Variants in MTMR10 observed in about 807,000 individuals in gnomAD.
MTMR10 encodes the protein myotubularin related protein 10, also known as myotubularin-related protein 10.
MTMR10 carries 56 observed loss-of-function variants against 88.1 expected under a neutral mutation model. That is an observed-to-expected ratio of 0.64 (90% confidence interval 0.51 to 0.79). The LOEUF (loss-of-function observed/expected upper bound fraction) is 0.79, where lower values mean the gene tolerates loss of function less well. MTMR10 is among the 30% of genes least tolerant of loss of function. The pLI is 0.00. For missense variants in MTMR10, 883 were observed against 924.7 expected, an observed-to-expected ratio of 0.95 and a Z score of 0.58; for synonymous variants, 380 against 340.9, an observed-to-expected ratio of 1.11 and a Z score of -1.26.
At chr15:30,954,060 T>G (rs2063287333) in intron 10 of MTMR10, among the ~76,000 whole-genome samples, 1 of 152,150 alleles carries the variant, frequency 6.6e-6, no homozygotes, top group Admixed American at 6.5e-5. Flanking sequence ...TGTGCATGGC[T>G]CACGTGGCCG....
chr15:30,928,710 C>T, the MTMR10 span: 3 of 1,610,272 alleles, frequency 1.9e-6, no homozygotes, highest in African/African-American at 1.3e-5. Flanking sequence ...ATCCGTGGCT[C>T]ACGCCCACCT....
chr15:30,950,338 T>C (rs2063227012), intron 12 of MTMR10: 3 of 152,026 alleles, frequency 2.0e-5, no homozygotes, highest in South Asian at 4.2e-4. Flanking sequence ...ATTTTTGCCT[T>C]GTTAAAGTCA....
intron 2 of MTMR10, among the ~76,000 whole-genome samples, chr15:30,981,610 C>G (rs2030577876): frequency 6.6e-6 from 1 of 152,216 alleles, no homozygotes; most frequent in Non-Finnish European, 1.5e-5. Flanking sequence ...TCCACAGATT[C>G]TTCTGTTATT....
the MTMR10 span, chr15:30,929,220 G>A: frequency 1.2e-6 from 2 of 1,612,446 alleles, no homozygotes; most frequent in Non-Finnish European, 1.7e-6. Flanking sequence ...CCCTGGACTT[G>A]TGCACAGACA....
At chr15:30,922,400 TCAA>T in the MTMR10 span, 1 of 1,560,464 alleles carries the variant, frequency 6.4e-7, no homozygotes, top group Non-Finnish European at 8.6e-7. Flanking sequence ...CATTTTAGAA[TCAA>T]CTTTTAAAAT....
chr15:30,991,118 G>A lies in MTMR10; in HGVS notation c.61-281C>T, dbSNP rs2031290055. ...CAGTGACCCCAAGCGCTGCAATCAT[G>A]CTGGCGGTCATACGAGGGAGGGTCG... is the stretch of plus-strand genomic sequence containing the variant. On this transcript the variant is annotated intron_variant, in intron 1 of 15. Transcript: ENST00000435680. The A allele has an allele frequency of 1.7e-5, 9 of 516,616 alleles. No homozygotes were observed. In the East Asian group the frequency reaches 3.0e-4, roughly 17 times the overall value. The allele number at this position is 516,616 out of a possible 1,614,324, so 32.0% of individuals were successfully genotyped here.
the MTMR10 span, chr15:30,928,445 CTTGAAA>C: frequency 6.6e-7 from 1 of 1,512,842 alleles, no homozygotes; most frequent in Non-Finnish European, 8.8e-7. Flanking sequence ...CTATTATTTT[CTTGAAA>C]TTGAGTGTGC....
intron 1 of MTMR10, 115 bp from the exon 2 acceptor site, chr15:30,990,952 T>C (rs1458262905): frequency 3.7e-6 from 3 of 814,686 alleles, no homozygotes; most frequent in Non-Finnish European, 5.8e-6. Flanking sequence ...CAGCCCCCCA[T>C]TTAAATTCTT....
At chr15:30,969,240 T>C (rs1184070327) in intron 5 of MTMR10, among the ~76,000 whole-genome samples, 1 of 152,044 alleles carries the variant, frequency 6.6e-6, no homozygotes, top group East Asian at 1.9e-4. Flanking sequence ...GGGGACAGAA[T>C]TTGTCATTAG....
At chr15:30,988,926 G>T (rs1042979809) in intron 2 of MTMR10, among the ~76,000 whole-genome samples, 29 of 146,698 alleles carry the variant, frequency 2.0e-4, no homozygotes, top group Non-Finnish European at 3.6e-4. Flanking sequence ...GGAGGCAGAG[G>T]TTGCAGTGAG....
the MTMR10 span, among the ~76,000 whole-genome samples, chr15:30,921,595 G>C: frequency 6.6e-6 from 1 of 152,328 alleles, no homozygotes; most frequent in East Asian, 1.9e-4. Flanking sequence ...CCTGGGGTCT[G>C]TGAATCCCAG....
chr15:30,969,978 T>C (rs2063518353), intron 5 of MTMR10, among the ~76,000 whole-genome samples: 1 of 152,126 alleles, frequency 6.6e-6, no homozygotes, highest in African/African-American at 2.4e-5. Flanking sequence ...AATTTCAGAG[T>C]ACTAATTCCA....
intron 5 of MTMR10, chr15:30,968,270 G>T: frequency 6.6e-6 from 2 of 301,726 alleles, no homozygotes; most frequent in Admixed American, 5.0e-5. Context: ...AATTTTAATT[G>T]GAAAGTAATT....
intron 2 of MTMR10, among the ~76,000 whole-genome samples, chr15:30,985,676 A>G (rs2030896375): frequency 6.6e-6 from 1 of 152,266 alleles, no homozygotes; most frequent in Non-Finnish European, 1.5e-5. Context: ...AAGTATGTTC[A>G]GAAACATGCC....
chr15:30,974,297 A>G lies in MTMR10; in HGVS notation c.474+17T>C, dbSNP rs1189200823. The G allele has an allele frequency of 6.4e-7, 1 of 1,557,530 alleles. No homozygotes were observed. Among genetic ancestry groups the G allele is most frequent in the Non-Finnish European group, 8.7e-7 (1 of 1,149,992 alleles). ...ACAGTACAGAACCCAGAACTTGATAAACCTTAACAGTATTACCTTTTTAGC... is the reference window on the plus strand; with the variant it reads ...ACAGTACAGAACCCAGAACTTGATAGACCTTAACAGTATTACCTTTTTAGC... On this transcript the variant is annotated intron_variant, in intron 5 of 15. Coordinates refer to ENST00000435680, the MANE Select transcript of MTMR10 (RefSeq NM_017762.3).
the MTMR10 span, among the ~76,000 whole-genome samples, chr15:30,919,316 G>A: frequency 2.0e-5 from 3 of 149,644 alleles, no homozygotes; most frequent in Non-Finnish European, 4.4e-5. Flanking sequence ...GGAGGTGGAG[G>A]TTGTGGTGAG....
chr15:30,989,749 A>AT (rs34536708), intron 2 of MTMR10, among the ~76,000 whole-genome samples: 1,571 of 150,634 alleles, frequency 0.01, 26 homozygotes, highest in East Asian at 0.051. Context: ...TGCCTGGCTA[A>AT]TTTTTTTTTG....
At chr15:30,954,959 C>G (rs2063301472) in intron 9 of MTMR10, 66 bp from the exon 10 acceptor site, 2 of 1,377,680 alleles carry the variant, frequency 1.5e-6, no homozygotes, top group African/African-American at 1.5e-5. Flanking sequence ...TTAACCCTTA[C>G]TATAGACCAG....
intron 5 of MTMR10, among the ~76,000 whole-genome samples, chr15:30,968,534 AACAC>A (rs61503155): frequency 0.015 from 2,111 of 143,144 alleles, 41 homozygotes; most frequent in African/African-American, 0.049. Context: ...TCAAAAAAAC[AACAC>A]ACACACACAC....
Sources: allele counts gnomAD v4.1 joint callset (sites outside exome capture counted in the v4.1 genomes callset), GRCh38; gene constraint gnomAD v4.1.1; transcripts MANE v1.5; gene names NCBI Gene and HGNC (gene_info 2026-07-23, HGNC 2026-07-21).